The following ZNF808 variants were observed in gnomAD, a reference collection of about 807,000 sequenced individuals.
The protein encoded by ZNF808 is zinc finger protein 808.
In ZNF808, 5 loss-of-function variants were observed where a neutral mutation model predicts 8.7. The ratio of observed to expected loss-of-function variants is 0.58; its 90% CI spans 0.30 to 1.21. ZNF808 has a LOEUF of 1.21. ZNF808 is among the 50% of genes most tolerant of loss of function. The probability of loss-of-function intolerance (pLI) is 0.07; values close to 1 mark genes in which losing one functional copy is unlikely to be tolerated. For synonymous variants in ZNF808, 380 were observed against 366.0 expected, an observed-to-expected ratio of 1.04 and a Z score of -0.44; for missense variants, 1,103 against 1,098.4, an observed-to-expected ratio of 1.00 and a Z score of -0.06.
downstream of ZNF808, among the ~76,000 whole-genome samples, chr19:52,568,734 ACT>A (rs1471143552): frequency 2.0e-5 from 3 of 152,004 alleles, no homozygotes. Context: ...GTCCAAATAA[ACT>A]CTATAATTAA....
chr19:52,551,856 A>G lies in ZNF808; in HGVS notation c.191-1251A>G, dbSNP rs1055945968. 3.7e-4 allele frequency among the ~76,000 whole-genome samples: 57 copies of G among 152,010 alleles called. 1 individual carries two copies. The highest frequency in any genetic ancestry group is 2.2e-4 in the Non-Finnish European group (15 of 68,004). ...CATCTCTACTAAAAACACAAAAATT[A>G]GCCAGGTGTAGTGGTGTGTGCCTGT... On this transcript the variant is annotated intron_variant, in intron 4 of 4. Coordinates refer to ENST00000359798, the MANE Select transcript of ZNF808 (RefSeq NM_001039886.4).
intron 2 of ZNF808, chr19:52,536,168 A>C (rs1375889695): frequency 6.6e-6 from 1 of 152,440 alleles, no homozygotes; most frequent in Non-Finnish European, 1.5e-5. Flanking sequence ...TCCAGAGCAA[A>C]TTGAGATGTC....
At chr19:52,547,688 G>A (rs2059736013) in intron 4 of ZNF808, 50 bp downstream of exon 4, 1 of 1,597,632 alleles carries the variant, frequency 6.3e-7, no homozygotes, top group Admixed American at 1.8e-5. Flanking sequence ...TGTCTATCTT[G>A]GCTCTTCCTG....
chr19:52,545,910 C>T (rs747202676), intron 3 of ZNF808, among the ~76,000 whole-genome samples: 12 of 152,162 alleles, frequency 7.9e-5, no homozygotes. Flanking sequence ...TAGATAAACC[C>T]GTGTCAGTTT....
intron 2 of ZNF808, among the ~76,000 whole-genome samples, chr19:52,534,777 T>C (rs1450849813): frequency 1.3e-5 from 2 of 151,896 alleles, no homozygotes; most frequent in African/African-American, 4.8e-5. Flanking sequence ...TAATACCAGC[T>C]ACTCGAAAGG....
chr19:52,547,147 C>T (rs1046279013), intron 3 of ZNF808, among the ~76,000 whole-genome samples: 1 of 151,864 alleles, frequency 6.6e-6, no homozygotes, highest in African/African-American at 2.4e-5. Flanking sequence ...AGGTTTTCAC[C>T]ACGTTGACCA....
In ZNF808 at chr19:52,547,531, A is replaced by G; in HGVS notation, c.83A>G (p.Asp28Gly). The G allele has an allele frequency of 5.0e-6, 8 of 1,613,862 alleles. No homozygotes were observed. Among genetic ancestry groups the G allele is most frequent in the Non-Finnish European group, 6.8e-6 (8 of 1,179,962 alleles). The change falls in exon 4 of 5, where the codon GAT becomes GGT. Residue 28 changes from aspartate (D) to glycine (G), a missense_variant. Transcript: ENST00000359798. ...ALPQGRLTFR[D>G]VAIEFSLAEW... Reference sequence around the variant, plus strand: ...TTTTAGGGACGCTTGACTTTCAGGGATGTGGCTATAGAATTCTCATTGGCA... The same window carrying G: ...TTTTAGGGACGCTTGACTTTCAGGGGTGTGGCTATAGAATTCTCATTGGCA...
chr19:52,535,038 TAAAA>T (rs1043820598), intron 2 of ZNF808, among the ~76,000 whole-genome samples: 1 of 143,100 alleles, frequency 7.0e-6, no homozygotes, highest in Admixed American at 7.0e-5. Flanking sequence ...AAAAACGGGT[TAAAA>T]AAAAAAAGGC....
At chr19:52,564,052 G>A in exon 4 of ZNF808, 1 of 602,656 alleles carries the variant, frequency 1.7e-6, no homozygotes, top group South Asian at 1.5e-5. Flanking sequence ...CCATCATGGT[G>A]TGTGCTTGAC....
chr19:52,568,497 ATT>A (rs1475686771), downstream of ZNF808, among the ~76,000 whole-genome samples: 2 of 140,036 alleles, frequency 1.4e-5, no homozygotes, highest in African/African-American at 4.9e-5. Flanking sequence ...TCCTGGCATC[ATT>A]GTCCCTTCTT....
chr19:52,531,863 C>T (rs1444696581), intron 1 of ZNF808, among the ~76,000 whole-genome samples: 9 of 152,170 alleles, frequency 5.9e-5, no homozygotes, highest in Non-Finnish European at 1.2e-4. Flanking sequence ...CCCTCTGACA[C>T]TGTTAGTCAG....
chr19:52,560,485 T>C (rs1425795486), downstream of ZNF808, among the ~76,000 whole-genome samples: 2 of 152,306 alleles, frequency 1.3e-5, no homozygotes, highest in African/African-American at 2.4e-5. Context: ...GCTGTACTCC[T>C]CGTAGACTTT....
intron 3 of ZNF808, among the ~76,000 whole-genome samples, chr19:52,561,433 C>T (rs1047004722): frequency 1.3e-5 from 2 of 151,888 alleles, no homozygotes; most frequent in Non-Finnish European, 2.9e-5. Context: ...ACATGGGATC[C>T]TTCAGGCCCA....
chr19:52,528,956 A>G (rs993493071), intron 1 of ZNF808, among the ~76,000 whole-genome samples: 2 of 152,100 alleles, frequency 1.3e-5, no homozygotes, highest in Middle Eastern at 3.4e-3. Context: ...GGGGATAAAC[A>G]GCAGAAGAGA....
chr19:52,539,354 G>A (rs1322636245), intron 2 of ZNF808, among the ~76,000 whole-genome samples: 1 of 151,042 alleles, frequency 6.6e-6, no homozygotes, highest in South Asian at 2.1e-4. Context: ...AGCCACACCT[G>A]TCTGATTTTT....
intron 2 of ZNF808, among the ~76,000 whole-genome samples, chr19:52,538,269 G>T (rs1568480847): frequency 7.0e-6 from 1 of 142,590 alleles, no homozygotes. Flanking sequence ...AGGTTCCCCC[G>T]TCTTGGCCTT....
At chr19:52,568,322 C>T (rs893733640), downstream of ZNF808, among the ~76,000 whole-genome samples, 1 of 152,184 alleles carries the variant, frequency 6.6e-6, no homozygotes, top group Admixed American at 6.5e-5. Flanking sequence ...CGTAGTGAGC[C>T]GAGATCACAT....
intron 4 of ZNF808, among the ~76,000 whole-genome samples, chr19:52,552,703 G>GTTT (rs33948596): frequency 5.0e-4 from 71 of 141,136 alleles, no homozygotes; most frequent in African/African-American, 1.7e-3. Flanking sequence ...ATGTTGTGTG[G>GTTT]TTTTTTTTTT....
chr19:52,539,562 T>G (rs1175471616), intron 2 of ZNF808, among the ~76,000 whole-genome samples: 1 of 142,400 alleles, frequency 7.0e-6, no homozygotes, highest in African/African-American at 2.6e-5. Context: ...TTTTTTTTTT[T>G]TTTTTTTTTT....
Sources: gnomAD v4.1 joint callset for allele counts (sites outside exome capture counted in the v4.1 genomes callset) on GRCh38, gnomAD v4.1.1 for gene constraint, MANE v1.5 for transcripts, NCBI Gene and HGNC (gene_info 2026-07-23, HGNC 2026-07-21) for gene names.